Variants in NRXN1 observed in about 807,000 individuals in gnomAD.
NRXN1 encodes the protein neurexin 1, also known as neurexin-1.
NRXN1 carries 39 observed loss-of-function variants against 150.9 expected under a neutral mutation model. That is an observed-to-expected ratio of 0.26 (90% CI 0.20 to 0.34). The LOEUF is 0.34. NRXN1 is among the 10% of genes least tolerant of loss of function. The pLI is 1.00. For missense variants in NRXN1, 1,815 were observed against 1,949.9 expected (o/e 0.93, Z 1.30); for synonymous variants, 924 against 757.0 (o/e 1.22, Z -3.62).
At chr2:50,942,304 AG>A (rs748070631) in intron 2 of NRXN1, among the ~76,000 whole-genome samples, 6 of 152,168 alleles carry the variant, frequency 3.9e-5, no homozygotes, top group Admixed American at 1.3e-4. Flanking sequence ...CAATGCAGAG[AG>A]GAAATATGGG....
chr2:50,035,287 C>T (rs1237968597), intron 21 of NRXN1, among the ~76,000 whole-genome samples: 3 of 152,078 alleles, frequency 2.0e-5, no homozygotes, highest in Non-Finnish European at 2.9e-5. Context: ...ATTAAACTAT[C>T]ATGTTTTCTA....
At chr2:50,672,370 T>C (rs953132774) in intron 5 of NRXN1, among the ~76,000 whole-genome samples, 11 of 151,986 alleles carry the variant, frequency 7.2e-5, no homozygotes, top group South Asian at 4.1e-4. Flanking sequence ...TCTAAAACCA[T>C]GATTTCATTC....
chr2:50,799,636 T>C (rs2105678585), intron 5 of NRXN1, among the ~76,000 whole-genome samples: 1 of 152,320 alleles, frequency 6.6e-6, no homozygotes, highest in Admixed American at 6.5e-5. Context: ...ATAAATTACA[T>C]GAGACAGTCA....
intron 17 of NRXN1, among the ~76,000 whole-genome samples, chr2:50,392,492 A>G (rs1558653788): frequency 6.6e-6 from 1 of 152,170 alleles, no homozygotes; most frequent in African/African-American, 2.4e-5. Context: ...TTAGACTGCA[A>G]TAGGTAAGGT....
chr2:50,180,280 C>T (rs2060623779), intron 18 of NRXN1, among the ~76,000 whole-genome samples: 1 of 152,128 alleles, frequency 6.6e-6, no homozygotes, highest in African/African-American at 2.4e-5. Context: ...CTGCCTCAGC[C>T]TCCCAAAGTT....
intron 15 of NRXN1, among the ~76,000 whole-genome samples, chr2:50,478,597 T>A (rs1240223849): frequency 6.6e-6 from 1 of 152,218 alleles, no homozygotes; most frequent in Non-Finnish European, 1.5e-5. Context: ...TCTCCCTTGG[T>A]ACATAAAAGG....
intron 8 of NRXN1, chr2:50,616,181 T>C (rs1559024315): frequency 6.6e-6 from 1 of 152,046 alleles, no homozygotes; most frequent in East Asian, 1.9e-4. Flanking sequence ...ATGAATTATT[T>C]AAAAAAAACT....
At chr2:50,568,447 A>T (rs1253880680) in intron 8 of NRXN1, among the ~76,000 whole-genome samples, 17 of 152,202 alleles carry the variant, frequency 1.1e-4, no homozygotes. Flanking sequence ...CTAAATAGGA[A>T]AAAGTCTAAT....
chr2:50,625,608 G>A (rs1559039250), intron 5 of NRXN1, among the ~76,000 whole-genome samples: 3 of 152,020 alleles, frequency 2.0e-5, no homozygotes, highest in Non-Finnish European at 2.9e-5. Context: ...GTCCAACATG[G>A]CAAGTGGTTC....
intron 18 of NRXN1, among the ~76,000 whole-genome samples, chr2:50,101,325 G>C (rs543961025): frequency 1.4e-3 from 207 of 152,074 alleles, no homozygotes; most frequent in Non-Finnish European, 1.6e-3. Flanking sequence ...GAACTGAACA[G>C]GAAAGGGGCA....
intron 17 of NRXN1, among the ~76,000 whole-genome samples, chr2:50,252,784 T>C (rs1347592225): frequency 6.6e-6 from 1 of 152,134 alleles, no homozygotes; most frequent in Admixed American, 6.6e-5. Context: ...TCTATGTGTC[T>C]GTGTGTGCCA....
rs1302856610 is a variant in NRXN1 at position 49,939,628 on chromosome 2, G to T, written c.4216+4076C>A. On this transcript the variant is annotated intron_variant, in intron 22 of 22. Coordinates refer to ENST00000401669, the MANE Select transcript of NRXN1 (RefSeq NM_001330078.2). ...CAGTTCCCATCAGGAGGCCTGAGTG[G>T]TTTCATCAGTTGCCCACCAATTTTC... Among the ~76,000 whole-genome samples the T allele has an allele frequency of 2.0e-5, 3 of 152,100 alleles. No individual in the cohort carries two copies. The East Asian group carries it at 5.8e-4, about 29-fold the overall frequency.
intron 16 of NRXN1, among the ~76,000 whole-genome samples, chr2:50,469,967 C>G (rs1013314686): frequency 4.0e-5 from 6 of 151,276 alleles, no homozygotes; most frequent in Non-Finnish European, 7.4e-5. Flanking sequence ...GTTAGTATAT[C>G]CTGCTCCTCT....
intron 2 of NRXN1, among the ~76,000 whole-genome samples, chr2:50,967,736 G>A (rs539249880): frequency 6.6e-6 from 1 of 152,032 alleles, no homozygotes; most frequent in South Asian, 2.1e-4. Context: ...TAAGTAAGTA[G>A]CTTTTACCTC....
intron 17 of NRXN1, among the ~76,000 whole-genome samples, chr2:50,244,835 A>T (rs549937526): frequency 1.3e-5 from 2 of 152,054 alleles, no homozygotes; most frequent in East Asian, 3.9e-4. Context: ...TTATTCAACC[A>T]TGTTATCATC....
intron 21 of NRXN1, among the ~76,000 whole-genome samples, chr2:49,962,052 G>C (rs766765606): frequency 6.6e-5 from 10 of 152,094 alleles, no homozygotes; most frequent in Non-Finnish European, 1.5e-4. Flanking sequence ...AACATAGTGA[G>C]ACCCTAACAC....
At chr2:50,525,283 T>C (rs6754625) in intron 12 of NRXN1, among the ~76,000 whole-genome samples, 132,154 of 151,942 alleles carry the variant, frequency 0.87, 57,807 homozygotes, top group African/African-American at 0.94. Context: ...ATTTCTTTGA[T>C]GAGTTTTAAA....
intron 5 of NRXN1, chr2:50,918,489 A>G (rs900854804): frequency 5.7e-6 from 2 of 351,042 alleles, no homozygotes; most frequent in Non-Finnish European, 1.0e-5. Flanking sequence ...AAGGAAAAGT[A>G]CAAGCCTCCA....
intron 5 of NRXN1, among the ~76,000 whole-genome samples, chr2:50,679,102 G>C (rs1378942222): frequency 6.6e-6 from 1 of 152,024 alleles, no homozygotes; most frequent in Non-Finnish European, 1.5e-5. Flanking sequence ...GCTACATTGA[G>C]ATTTTCTTCT....
Sources: gnomAD v4.1 joint callset for allele counts (sites outside exome capture counted in the v4.1 genomes callset) on GRCh38, gnomAD v4.1.1 for gene constraint, MANE v1.5 for transcripts, NCBI Gene and HGNC (gene_info 2026-07-23, HGNC 2026-07-21) for gene names.